The following GMDS variants were observed in gnomAD, a reference collection of about 807,000 sequenced individuals.
The protein encoded by GMDS is GDP-mannose 4,6-dehydratase, also known as GDP-mannose 4,6 dehydratase.
Under a neutral mutation model 49.9 loss-of-function variants are expected in GMDS, and 20 were observed. That is an observed-to-expected ratio of 0.40 (90% CI 0.28 to 0.58). The LOEUF is 0.58. Ranked by LOEUF, GMDS falls within the 20% of genes least tolerant of loss-of-function variation. GMDS has a pLI of 0.42. For missense variants in GMDS, 362 were observed against 481.4 expected (o/e 0.75, Z 2.32); for synonymous variants, 177 against 178.6 (o/e 0.99, Z 0.07).
chr6:2,194,973 G>T (rs1231211089), intron 1 of GMDS, among the ~76,000 whole-genome samples: 1 of 152,066 alleles, frequency 6.6e-6, no homozygotes, highest in African/African-American at 2.4e-5. Context: ...ACAGCCTTTG[G>T]AATTATCAGC....
chr6:2,089,483 G>A (rs1773196833), intron 4 of GMDS, among the ~76,000 whole-genome samples: 1 of 152,064 alleles, frequency 6.6e-6, no homozygotes, highest in African/African-American at 2.4e-5. Flanking sequence ...AAAAGTTGAA[G>A]AAGGGAGAAT....
intron 1 of GMDS, among the ~76,000 whole-genome samples, chr6:2,151,859 G>T (rs572343333): frequency 1.4e-4 from 22 of 152,004 alleles, no homozygotes; most frequent in Non-Finnish European, 2.2e-4. Flanking sequence ...ATGGGTATAT[G>T]ATTTTTTCTT....
chr6:2,104,241 C>T (rs1433728372), intron 4 of GMDS, among the ~76,000 whole-genome samples: 1 of 152,214 alleles, frequency 6.6e-6, no homozygotes. Context: ...GAGTGGATGA[C>T]ATACCTTAAA....
chr6:2,088,077 G>T (rs1034951806), intron 4 of GMDS, among the ~76,000 whole-genome samples: 1 of 151,768 alleles, frequency 6.6e-6, no homozygotes, highest in African/African-American at 2.4e-5. Flanking sequence ...AAGAAAGGTG[G>T]CTAGAAAGGT....
intron 9 of GMDS, among the ~76,000 whole-genome samples, chr6:1,704,089 C>A (rs930160390): frequency 6.6e-6 from 1 of 152,162 alleles, no homozygotes; most frequent in Non-Finnish European, 1.5e-5. Flanking sequence ...GACAGCAAGA[C>A]AAGACCTCGT....
chr6:1,857,402 GGT>G (rs1757985400), intron 7 of GMDS, among the ~76,000 whole-genome samples: 1 of 152,144 alleles, frequency 6.6e-6, no homozygotes, highest in African/African-American at 2.4e-5. Context: ...CAGCCTCTGT[GGT>G]GTGTTACATT....
rs139730409 is a variant in GMDS at position 2,226,669 on chromosome 6, ACT to A, written c.102+18650_102+18651del. On this transcript the variant is annotated intron_variant, in intron 1 of 10. Transcript: ENST00000380815. ...CATATAACATGTCAAAAACTAATGA[ACT>A]CTGATTCTACTAGCATTTACTCTCC... is the stretch of plus-strand genomic sequence containing the variant. 6.0e-3 allele frequency among the ~76,000 whole-genome samples: 907 copies of A among 152,286 alleles called. 18 individuals are homozygous for A. The highest frequency in any genetic ancestry group is 0.02 in the African/African-American group (841 of 41,560).
intron 7 of GMDS, among the ~76,000 whole-genome samples, chr6:1,912,973 T>C (rs1312634393): frequency 2.0e-5 from 3 of 152,206 alleles, no homozygotes; most frequent in Admixed American, 2.0e-4. Flanking sequence ...ACACAAACTA[T>C]AAACTGAATG....
At chr6:1,634,689 G>A (rs890299219) in intron 9 of GMDS, among the ~76,000 whole-genome samples, 39 of 152,130 alleles carry the variant, frequency 2.6e-4, no homozygotes, top group Admixed American at 2.2e-3. Flanking sequence ...CATATGCTGC[G>A]ATGCATGAGT....
intron 7 of GMDS, among the ~76,000 whole-genome samples, chr6:1,794,489 T>C (rs1474613388): frequency 6.6e-6 from 1 of 152,216 alleles, no homozygotes; most frequent in Admixed American, 6.5e-5. Context: ...TGGAATGTTC[T>C]ATGTCTAGGG....
chr6:1,719,599 A>C (rs1006523977), intron 9 of GMDS, among the ~76,000 whole-genome samples: 4 of 149,170 alleles, frequency 2.7e-5, no homozygotes, highest in African/African-American at 9.9e-5. Context: ...TTGGTGGAAC[A>C]GGAAGAGCAC....
intron 1 of GMDS, among the ~76,000 whole-genome samples, chr6:2,132,802 T>C (rs1243749119): frequency 1.3e-5 from 2 of 152,218 alleles, no homozygotes; most frequent in East Asian, 1.9e-4. Flanking sequence ...TCAGTGCTGA[T>C]GTGAGTAACT....
chr6:1,926,931 TTCTA>T (rs1762034797), intron 7 of GMDS, among the ~76,000 whole-genome samples: 1 of 152,232 alleles, frequency 6.6e-6, no homozygotes, highest in African/African-American at 2.4e-5. Context: ...TGACCTAACT[TTCTA>T]TCTGTCTCTC....
In GMDS at chr6:2,053,321, A is replaced by G. The variant is rs147882462; in HGVS notation, c.345+62450T>C. Among the ~76,000 whole-genome samples, 69 of 152,252 alleles carry G rather than the reference A, an allele frequency of 4.5e-4. No individual in the cohort carries two copies. The East Asian group carries it at 0.012, about 27-fold the overall frequency. On this transcript the variant is annotated intron_variant, in intron 4 of 10. Transcript: ENST00000380815. ...TCTTACAGTGATTCTATTTGAAAGT[A>G]CAGTTTCCATGTCTGGTCTTGACAA... is the stretch of plus-strand genomic sequence containing the variant.
At position 1,677,099 on chromosome 6, in the gene GMDS, C is replaced by T. The variant is rs555468121; in HGVS notation, c.987+49317G>A. Among the ~76,000 whole-genome samples the T allele has an allele frequency of 2.9e-3, 447 of 152,218 alleles. 1 individual carries two copies. The highest frequency in any genetic ancestry group is 0.01 in the African/African-American group (427 of 41,522). ...AATTTACAAGAAAAAATCAAACAAC[C>T]CTATCAAAAAGTGGGCAAAGGATAC... On this transcript the variant is annotated intron_variant, in intron 9 of 10. Coordinates refer to ENST00000380815, the MANE Select transcript of GMDS (RefSeq NM_001500.4).
At chr6:1,939,643 A>G (rs1012461037) in intron 6 of GMDS, among the ~76,000 whole-genome samples, 1 of 151,840 alleles carries the variant, frequency 6.6e-6, no homozygotes, top group African/African-American at 2.4e-5. Flanking sequence ...AGTTTCTATT[A>G]TATTATAAAG....
intron 7 of GMDS, among the ~76,000 whole-genome samples, chr6:1,886,921 C>A (rs1227537901): frequency 6.6e-6 from 1 of 152,186 alleles, no homozygotes; most frequent in Non-Finnish European, 1.5e-5. Flanking sequence ...AAAGTGGTGG[C>A]AACTGCTGCT....
chr6:2,239,394 T>A (rs1341794917), intron 1 of GMDS, among the ~76,000 whole-genome samples: 2 of 151,522 alleles, frequency 1.3e-5, no homozygotes, highest in African/African-American at 2.4e-5. Flanking sequence ...ACTGCTTAAA[T>A]ATAAAGATAA....
chr6:1,946,927 G>C (rs1019265809), intron 6 of GMDS, among the ~76,000 whole-genome samples: 1 of 152,202 alleles, frequency 6.6e-6, no homozygotes, highest in African/African-American at 2.4e-5. Flanking sequence ...TCAGAAAAGC[G>C]ATTTCATTTT....
Sources: gnomAD v4.1 joint callset for allele counts (sites outside exome capture counted in the v4.1 genomes callset) on GRCh38, gnomAD v4.1.1 for gene constraint, MANE v1.5 for transcripts, NCBI Gene and HGNC (gene_info 2026-07-23, HGNC 2026-07-21) for gene names.